ZBTB7C: variants seen among roughly 807,000 people sequenced by gnomAD.
ZBTB7C encodes zinc finger and BTB domain containing 7C, also known as zinc finger and BTB domain-containing protein 7C.
ZBTB7C carries 8 observed loss-of-function variants against 25.7 expected under a neutral mutation model. The ratio of observed to expected loss-of-function variants is 0.31; its 90% CI spans 0.18 to 0.56. The LOEUF (loss-of-function observed/expected upper bound fraction) is 0.56, where lower values mean the gene tolerates loss of function less well. Ranked by LOEUF, ZBTB7C falls within the 20% of genes least tolerant of loss-of-function variation. The probability of loss-of-function intolerance (pLI) is 0.91; values close to 1 mark genes in which losing one functional copy is unlikely to be tolerated. For missense variants in ZBTB7C, 824 were observed against 855.2 expected (o/e 0.96, Z 0.46); for synonymous variants, 394 against 369.0 (o/e 1.07, Z -0.78).
At chr18:48,293,916 C>G (rs1289177856) in intron 2 of ZBTB7C, among the ~76,000 whole-genome samples, 1 of 152,258 alleles carries the variant, frequency 6.6e-6, no homozygotes, top group Admixed American at 6.5e-5. Context: ...CGATGCCCAG[C>G]CTTTCAACCT....
intron 2 of ZBTB7C, among the ~76,000 whole-genome samples, chr18:48,226,056 T>C (rs1425239706): frequency 4.6e-5 from 7 of 152,178 alleles, no homozygotes; most frequent in Admixed American, 4.6e-4. Context: ...AAACACTTCC[T>C]TAAGGATGGG....
intron 3 of ZBTB7C, among the ~76,000 whole-genome samples, chr18:48,127,405 G>A (rs1490016389): frequency 2.0e-5 from 3 of 152,216 alleles, no homozygotes; most frequent in African/African-American, 7.2e-5. Context: ...TGATTCTACA[G>A]AATCTTGCTT....
intron 1 of ZBTB7C, among the ~76,000 whole-genome samples, chr18:48,372,176 A>G (rs1644510538): frequency 6.6e-6 from 1 of 152,216 alleles, no homozygotes; most frequent in Admixed American, 6.5e-5. Context: ...ATTTTGGAGC[A>G]GGAAGAGCCC....
At chr18:48,073,352 C>T (rs958653599) in intron 3 of ZBTB7C, among the ~76,000 whole-genome samples, 3 of 152,104 alleles carry the variant, frequency 2.0e-5, no homozygotes, top group East Asian at 1.9e-4. Flanking sequence ...ATGTAGGCAG[C>T]GGAGCAGGGC....
intron 3 of ZBTB7C, among the ~76,000 whole-genome samples, chr18:48,180,112 T>TTCCCTTCCTTCCTTCCTTCCTTCC (rs144550931): frequency 1.7e-4 from 9 of 52,088 alleles, no homozygotes; most frequent in African/African-American, 2.7e-4. Flanking sequence ...CCTTCCTTCC[T>TTCCCTTCCTTCCTTCCTTCCTTCC]TTCCTTCCTT....
chr18:48,099,420 C>T (rs2038753275), intron 3 of ZBTB7C, among the ~76,000 whole-genome samples: 1 of 152,348 alleles, frequency 6.6e-6, no homozygotes, highest in East Asian at 1.9e-4. Flanking sequence ...TTTCCAGTAG[C>T]TTACCACTGA....
At position 48,040,700 on chromosome 18, in the gene ZBTB7C, C is replaced by T. The variant is rs1211438000; in HGVS notation, c.408G>A (p.Glu136=). The T allele has an allele frequency of 6.2e-7, 1 of 1,613,864 alleles. No homozygotes were observed. Among genetic ancestry groups the T allele is most frequent in the African/African-American group, 1.3e-5 (1 of 74,996 alleles). ...CGTCGTCATCGTCCTCCTTGTCATC[C>T]TCCTCCCCCCCGTCCCCCCCAGGCT... ...IMEPGGDGGE[E]DDKEDDDDDE... Residue 136 remains glutamate, a synonymous_variant, in exon 4 of 5, where the codon GAG becomes GAA. Transcript: ENST00000590800.
intron 3 of ZBTB7C, among the ~76,000 whole-genome samples, chr18:48,090,572 T>C (rs116590876): frequency 0.028 from 4,191 of 152,278 alleles, 176 homozygotes; most frequent in African/African-American, 0.094. Flanking sequence ...AGCAGAGGAC[T>C]GGGGATGAGT....
intron 1 of ZBTB7C, among the ~76,000 whole-genome samples, chr18:48,394,325 C>A (rs533459485): frequency 1.3e-5 from 2 of 152,184 alleles, no homozygotes; most frequent in South Asian, 4.2e-4. Context: ...TGTCAGTAGC[C>A]GGGTTTTCTA....
chr18:48,119,931 T>C (rs2039571761), intron 3 of ZBTB7C, among the ~76,000 whole-genome samples: 1 of 152,104 alleles, frequency 6.6e-6, no homozygotes. Context: ...TTGGTTGGCA[T>C]GAGGTTGAAG....
At chr18:48,268,123 G>A (rs1036835972) in intron 2 of ZBTB7C, among the ~76,000 whole-genome samples, 4 of 152,204 alleles carry the variant, frequency 2.6e-5, no homozygotes, top group African/African-American at 9.6e-5. Context: ...ACAAGTTTGA[G>A]GTGAAATCTT....
chr18:48,294,843 G>A (rs1315718645), intron 2 of ZBTB7C, among the ~76,000 whole-genome samples: 1 of 152,168 alleles, frequency 6.6e-6, no homozygotes, highest in African/African-American at 2.4e-5. Flanking sequence ...ATTTTAATCT[G>A]TACCTTCCCT....
intron 1 of ZBTB7C, among the ~76,000 whole-genome samples, chr18:48,384,023 A>G (rs1031594995): frequency 3.9e-5 from 6 of 152,228 alleles, no homozygotes; most frequent in African/African-American, 1.4e-4. Context: ...GCCTCATGTG[A>G]AATCAGGAGC....
At chr18:48,339,517 G>A (rs1393850367) in intron 1 of ZBTB7C, among the ~76,000 whole-genome samples, 1 of 152,214 alleles carries the variant, frequency 6.6e-6, no homozygotes, top group African/African-American at 2.4e-5. Context: ...GAAAGACTAG[G>A]AAACAGATGC....
At chr18:48,189,409 A>G (rs754335955) in intron 2 of ZBTB7C, among the ~76,000 whole-genome samples, 2 of 152,052 alleles carry the variant, frequency 1.3e-5, no homozygotes, top group Non-Finnish European at 2.9e-5. Context: ...AAATAATGTT[A>G]GAAGTAAAAA....
intron 2 of ZBTB7C, among the ~76,000 whole-genome samples, chr18:48,253,116 G>A (rs2043917419): frequency 6.6e-6 from 1 of 152,074 alleles, no homozygotes; most frequent in African/African-American, 2.4e-5. Flanking sequence ...CTTTAAGGAT[G>A]GATAGGATTC....
At chr18:48,122,692 G>A (rs1489530141) in intron 3 of ZBTB7C, among the ~76,000 whole-genome samples, 8 of 152,194 alleles carry the variant, frequency 5.3e-5, no homozygotes, top group Non-Finnish European at 7.4e-5. Context: ...TCAGGTGGTG[G>A]GGAGTGGCCT....
At chr18:48,104,977 C>A (rs2038978646) in intron 3 of ZBTB7C, among the ~76,000 whole-genome samples, 2 of 152,240 alleles carry the variant, frequency 1.3e-5, no homozygotes, top group African/African-American at 4.8e-5. Flanking sequence ...CTGCTACAGG[C>A]AAACTCCCAC....
chr18:48,292,518 G>A (rs866405908), intron 2 of ZBTB7C, among the ~76,000 whole-genome samples: 8 of 152,140 alleles, frequency 5.3e-5, no homozygotes, highest in Admixed American at 2.6e-4. Context: ...CCCTGGAGAG[G>A]CCAGAAGCAG....
Sources: gnomAD v4.1 joint callset for allele counts (sites outside exome capture counted in the v4.1 genomes callset) on GRCh38, gnomAD v4.1.1 for gene constraint, MANE v1.5 for transcripts, NCBI Gene and HGNC (gene_info 2026-07-23, HGNC 2026-07-21) for gene names.